The following ERCC1 variants were observed in gnomAD, a reference collection of about 807,000 sequenced individuals.
ERCC1 encodes DNA excision repair protein ERCC-1.
In ERCC1, 36 loss-of-function variants were observed where a neutral mutation model predicts 37.6. The observed-to-expected ratio is 0.96, with a 90% CI of 0.73 to 1.26. The LOEUF (loss-of-function observed/expected upper bound fraction) is 1.26, where lower values mean the gene tolerates loss of function less well. Ranked by LOEUF, ERCC1 falls within the 50% of genes most tolerant of loss-of-function variation. The pLI, the probability that ERCC1 is intolerant of heterozygous loss-of-function variation, is 0.00. For missense variants in ERCC1, 349 were observed against 376.5 expected (o/e 0.93, Z 0.60); for synonymous variants, 156 against 162.1 (o/e 0.96, Z 0.28).
rs984330143 is a variant in ERCC1, at chr19:45,413,872, T to C, written c.774+91A>G. ...GTGGGAAGGCAGGACGGGCAAGGGG[T>C]GGGCAGGGAGATGGAAGGAAATGGG... On this transcript the variant is annotated intron_variant, in intron 8 of 9. Coordinates refer to ENST00000300853, the MANE Select transcript of ERCC1 (RefSeq NM_001983.4). 5 of 1,569,306 alleles carry C rather than the reference T, an allele frequency of 3.2e-6. No homozygotes were observed. In the African/African-American group the frequency reaches 5.4e-5, roughly 17 times the overall value.
chr19:45,423,235 C>G, intron 2 of ERCC1, 35 bp downstream of exon 2: 1 of 1,589,168 alleles, frequency 6.3e-7, no homozygotes, highest in Non-Finnish European at 8.6e-7. Flanking sequence ...TAACAGCCCC[C>G]AGCCTCCCAG....
intron 9 of ERCC1, chr19:45,410,127 T>TG: frequency 6.4e-6 from 1 of 155,348 alleles, no homozygotes; most frequent in South Asian, 2.0e-4. Flanking sequence ...GACCTCCTGA[T>TG]GCGCCTGCCT....
intron 1 of ERCC1, among the ~76,000 whole-genome samples, chr19:45,441,202 A>G (rs956053890): frequency 9.2e-5 from 14 of 152,072 alleles, no homozygotes; most frequent in Admixed American, 1.3e-4. Context: ...CTCAGTGCCC[A>G]CTCCAAGCAT....
At chr19:45,429,562 CA>C (rs564526130) in intron 1 of ERCC1, among the ~76,000 whole-genome samples, 16 of 152,224 alleles carry the variant, frequency 1.1e-4, no homozygotes, top group Admixed American at 3.3e-4. Flanking sequence ...CAGATATACA[CA>C]CTTGTTTCTC....
intron 1 of ERCC1, among the ~76,000 whole-genome samples, chr19:45,446,419 C>G (rs1475170685): frequency 2.0e-5 from 3 of 152,164 alleles, no homozygotes; most frequent in Non-Finnish European, 4.4e-5. Flanking sequence ...GATGGCAGCA[C>G]TTTCCATTAT....
Position 45,413,669 on chromosome 19 carries a change from G to C in ERCC1, c.843+8C>G. ...CCAACTCCTTGGGTTCTTTCCCAGAGCTCTTACTTTCTGAGGGCCCAGGCC... is the reference window on the plus strand; with the variant it reads ...CCAACTCCTTGGGTTCTTTCCCAGACCTCTTACTTTCTGAGGGCCCAGGCC... On this transcript the variant is annotated splice_region_variant and intron_variant, in intron 9 of 9. Coordinates refer to ENST00000300853, the MANE Select transcript of ERCC1 (RefSeq NM_001983.4). 6.2e-7 allele frequency: 1 copy of C among 1,614,166 alleles called. No homozygotes were observed.
Position 45,414,009 on chromosome 19 carries a change from T to C in ERCC1, c.728A>G (p.Lys243Arg), listed in dbSNP as rs1973895292. The change falls in exon 8 of 10, where the codon AAG becomes AGG. Residue 243 changes from lysine (K) to arginine (R), a missense_variant. Transcript: ENST00000300853. The part of the protein sequence containing the change: ...SRVTECLTTV[K>R]SVNKTDSQTL... The stretch of plus-strand genomic sequence containing the variant: ...CTGACTGTCCGTTTTGTTGACTGAC[T>C]TCACGGTGGTCAGACATTCAGTCAC... 4 of 1,613,118 alleles carry C rather than the reference T, an allele frequency of 2.5e-6. No individual in the cohort carries two copies. The highest frequency in any genetic ancestry group is 3.4e-6 in the Non-Finnish European group (4 of 1,179,878).
rs1471699340 is a variant in ERCC1 at position 45,408,393 on chromosome 19, C to T, written c.*1282G>A. ...CCAGCAAGTCCCCCACCACAGATCC[C>T]TCCTGGCCTGAGGCCTCGGTTCTGT... On this transcript the variant is annotated 3_prime_UTR_variant, in exon 10 of 10. Transcript: ENST00000300853. The T allele has an allele frequency of 1.2e-6, 2 of 1,613,102 alleles. No homozygotes were observed. Among genetic ancestry groups the T allele is most frequent in the Non-Finnish European group, 8.5e-7 (1 of 1,179,486 alleles).
intron 6 of ERCC1, among the ~76,000 whole-genome samples, chr19:45,415,499 G>T (rs1974005634): frequency 6.6e-6 from 1 of 151,498 alleles, no homozygotes; most frequent in Non-Finnish European, 1.5e-5. Context: ...AGCCGGGCGT[G>T]GTAGCGGGCG....
At position 45,408,244 on chromosome 19, in the gene ERCC1, G is replaced by A. The variant is rs200375319; in HGVS notation, c.*1431C>T. On this transcript the variant is annotated 3_prime_UTR_variant, in exon 10 of 10. Coordinates refer to ENST00000300853, the MANE Select transcript of ERCC1 (RefSeq NM_001983.4). ...GCAGCTGTCCCCAAGCTGGAGAAGC[G>A]ACCCTGCTGGCCCCCTCAACGGAGG... The A allele has an allele frequency of 1.6e-4, 264 of 1,613,992 alleles. No homozygotes were observed. The highest frequency in any genetic ancestry group is 2.5e-4 in the East Asian group (11 of 44,888).
chr19:45,445,624 C>T (rs561278079), intron 1 of ERCC1, among the ~76,000 whole-genome samples: 1 of 152,070 alleles, frequency 6.6e-6, no homozygotes, highest in Admixed American at 6.6e-5. Flanking sequence ...TTGGGAGAAG[C>T]CATGCAGATA....
At chr19:45,448,149 G>A (rs960836980) in intron 1 of ERCC1, among the ~76,000 whole-genome samples, 2 of 152,198 alleles carry the variant, frequency 1.3e-5, no homozygotes, top group African/African-American at 4.8e-5. Flanking sequence ...TGGGATTACA[G>A]GCATAAGCCA....
At position 45,445,411 on chromosome 19, in the gene ERCC1, G is replaced by A. The variant is rs1319080002; in HGVS notation, c.-7-22030C>T. On this transcript the variant is annotated intron_variant, in intron 1 of 8. Coordinates refer to the ERCC1 transcript ENST00000423698. ...GAACAAGACAAAGCTCTCTGTTCTG[G>A]AAGCTTACTCTTTGGAAATTGGAAG... 2.0e-5 allele frequency among the ~76,000 whole-genome samples: 3 copies of A among 152,318 alleles called. No individual in the cohort carries two copies. In the South Asian group the frequency reaches 6.2e-4, roughly 32 times the overall value.
In ERCC1 at chr19:45,416,570, A is replaced by ACCCCCAAG; in HGVS notation, c.602+243_602+250dup. On this transcript the variant is annotated intron_variant, in intron 6 of 9. Transcript: ENST00000300853. ...GGGAGGCTGAGGCAGAATTGCTTGA[A>ACCCCCAAG]CCCCCAAGGCAGAGCCGAGATCGTG... 18 of 473,602 alleles carry ACCCCCAAG rather than the reference A, an allele frequency of 3.8e-5. 1 individual carries two copies. In the South Asian group the frequency reaches 4.1e-4, roughly 11 times the overall value. The allele number at this position is 473,602 out of a possible 1,614,324, so 29.3% of individuals were successfully genotyped here. A position where few individuals can be genotyped will look rare whatever the true frequency, so the allele number is the denominator to read the frequency against.
chr19:45,426,551 CAA>C (rs199743758), upstream of ERCC1, among the ~76,000 whole-genome samples: 10 of 127,574 alleles, frequency 7.8e-5, no homozygotes, highest in Non-Finnish European at 6.9e-5. Context: ...AACTCCATCT[CAA>C]AAAAAAAAAA....
chr19:45,414,654 TG>T, intron 7 of ERCC1: 1 of 536,248 alleles, frequency 1.9e-6, no homozygotes, highest in Non-Finnish European at 3.4e-6. Context: ...CTCGGGGTAC[TG>T]GGGAGCCATG....
chr19:45,441,008 A>T (rs897517456), intron 1 of ERCC1, among the ~76,000 whole-genome samples: 2 of 152,126 alleles, frequency 1.3e-5, no homozygotes, highest in Non-Finnish European at 2.9e-5. Context: ...CTAGGAAGGC[A>T]CTGAAATGAC....
At chr19:45,411,622 CA>C (rs1973740990) in intron 9 of ERCC1, among the ~76,000 whole-genome samples, 1 of 151,852 alleles carries the variant, frequency 6.6e-6, no homozygotes, top group Non-Finnish European at 1.5e-5. Flanking sequence ...AGGGAAACCC[CA>C]TCTCTACTAA....
intron 1 of ERCC1, among the ~76,000 whole-genome samples, chr19:45,432,104 T>A (rs1974848840): frequency 6.6e-6 from 1 of 151,946 alleles, no homozygotes; most frequent in Admixed American, 6.6e-5. Flanking sequence ...CCCGAGTAGC[T>A]GGGACTACAG....
Sources: allele counts gnomAD v4.1 joint callset (sites outside exome capture counted in the v4.1 genomes callset), GRCh38; gene constraint gnomAD v4.1.1; transcripts MANE v1.5; gene names NCBI Gene and HGNC (gene_info 2026-07-23, HGNC 2026-07-21).